Variants in PIERCE2 observed in about 807,000 individuals in gnomAD.
PIERCE2 encodes the protein piercer of microtubule wall 2, also known as piercer of microtubule wall 2 protein.
the PIERCE2 span, among the ~76,000 whole-genome samples, chr15:55,411,896 G>A: frequency 6.6e-6 from 1 of 151,570 alleles, no homozygotes; most frequent in Non-Finnish European, 1.5e-5. Flanking sequence ...CCTCCAGCCT[G>A]GGCAACAAGA....
the PIERCE2 span, among the ~76,000 whole-genome samples, chr15:55,412,678 G>A: frequency 6.6e-6 from 1 of 152,078 alleles, no homozygotes; most frequent in Admixed American, 6.6e-5. Flanking sequence ...AAGGCCTGAG[G>A]ATCACTTCAG....
At chr15:55,409,477 C>T in the PIERCE2 span, among the ~76,000 whole-genome samples, 2 of 152,054 alleles carry the variant, frequency 1.3e-5, no homozygotes, top group African/African-American at 4.8e-5. Context: ...CATTCTCTGT[C>T]CCCTAATTGT....
chr15:55,412,620 G>A, the PIERCE2 span, among the ~76,000 whole-genome samples: 1 of 152,106 alleles, frequency 6.6e-6, no homozygotes, highest in Non-Finnish European at 1.5e-5. Context: ...ATAATTGACT[G>A]AAAGCTGGAC....
At chr15:55,418,694 A>G in the PIERCE2 span, 6 of 681,938 alleles carry the variant, frequency 8.8e-6, no homozygotes, top group Admixed American at 7.0e-5. Flanking sequence ...TAAGTTAAAT[A>G]AAGTATTTCA....
the PIERCE2 span, among the ~76,000 whole-genome samples, chr15:55,416,203 G>C: frequency 6.6e-6 from 1 of 152,178 alleles, no homozygotes; most frequent in Non-Finnish European, 1.5e-5. Context: ...GGGTCCAAGG[G>C]ATCCTCTCCT....
At chr15:55,415,690 T>G in the PIERCE2 span, among the ~76,000 whole-genome samples, 1 of 152,118 alleles carries the variant, frequency 6.6e-6, no homozygotes, top group African/African-American at 2.4e-5. Context: ...GACAGGGATT[T>G]TCACAATGCT....
chr15:55,417,631 T>C, the PIERCE2 span: 1 of 152,266 alleles, frequency 6.6e-6, no homozygotes, highest in South Asian at 2.1e-4. Context: ...TAAATTCTCA[T>C]AGTTCTAGTA....
the PIERCE2 span, among the ~76,000 whole-genome samples, chr15:55,417,179 A>G: frequency 1.3e-5 from 2 of 152,280 alleles, no homozygotes; most frequent in Admixed American, 1.3e-4. Flanking sequence ...TGCTTTTACA[A>G]TAAAGATTCA....
At chr15:55,414,177 G>T in the PIERCE2 span, among the ~76,000 whole-genome samples, 1 of 150,346 alleles carries the variant, frequency 6.7e-6, no homozygotes, top group Non-Finnish European at 1.5e-5. Flanking sequence ...GATTACAAGC[G>T]TGAGCCACCG....
chr15:55,413,622 G>A, the PIERCE2 span, among the ~76,000 whole-genome samples: 1 of 151,222 alleles, frequency 6.6e-6, no homozygotes, highest in Non-Finnish European at 1.5e-5. Context: ...GCTGGGCCTG[G>A]TGTGGCACAT....
At chr15:55,411,206 G>C in the PIERCE2 span, 2 of 152,226 alleles carry the variant, frequency 1.3e-5, no homozygotes, top group Non-Finnish European at 2.9e-5. Context: ...GCTCACGACT[G>C]TAGTCCCAGC....
the PIERCE2 span, chr15:55,418,407 A>C: frequency 6.5e-7 from 1 of 1,531,892 alleles, no homozygotes; most frequent in Non-Finnish European, 8.8e-7. Context: ...CATTATGGTG[A>C]ATTTCTACCT....
At chr15:55,416,402 A>G in the PIERCE2 span, among the ~76,000 whole-genome samples, 4 of 152,104 alleles carry the variant, frequency 2.6e-5, no homozygotes. Context: ...CGCCTGGACG[A>G]AACTTGTTAT....
chr15:55,414,271 A>G, the PIERCE2 span, among the ~76,000 whole-genome samples: 2 of 147,316 alleles, frequency 1.4e-5, no homozygotes. Context: ...AGTGAGTGGC[A>G]TAATCTCGGA....
At chr15:55,415,787 C>T in the PIERCE2 span, among the ~76,000 whole-genome samples, 12 of 152,056 alleles carry the variant, frequency 7.9e-5, no homozygotes, top group Non-Finnish European at 1.6e-4. Context: ...GGTGTAGTGC[C>T]GGGCTGTCTG....
At chr15:55,418,343 A>T in the PIERCE2 span, 1 of 1,541,072 alleles carries the variant, frequency 6.5e-7, no homozygotes, top group African/African-American at 1.4e-5. Context: ...GACACTCCAG[A>T]CAGCCACCTC....
the PIERCE2 span, among the ~76,000 whole-genome samples, chr15:55,414,916 A>G: frequency 6.6e-6 from 1 of 152,106 alleles, no homozygotes; most frequent in Non-Finnish European, 1.5e-5. Context: ...TTCATCTATT[A>G]ACTTTTAATA....
the PIERCE2 span, chr15:55,410,715 C>G: frequency 6.6e-6 from 1 of 152,146 alleles, no homozygotes; most frequent in Non-Finnish European, 1.5e-5. Context: ...ACAACAACAA[C>G]AAAATCTACA....
chr15:55,416,103 TATAG>T, the PIERCE2 span, among the ~76,000 whole-genome samples: 2 of 149,312 alleles, frequency 1.3e-5, no homozygotes, highest in Non-Finnish European at 3.0e-5. Context: ...TTGTTATATA[TATAG>T]AGAGAGAGAG....
Sources: allele counts gnomAD v4.1 joint callset (sites outside exome capture counted in the v4.1 genomes callset), GRCh38; gene constraint gnomAD v4.1.1; transcripts MANE v1.5; gene names NCBI Gene and HGNC (gene_info 2026-07-23, HGNC 2026-07-21).